The following KHDRBS3 variants were observed in gnomAD, a reference collection of about 807,000 sequenced individuals.
KHDRBS3 encodes the protein KH domain-containing, RNA-binding, signal transduction-associated protein 3.
Under a neutral mutation model 45.6 loss-of-function variants are expected in KHDRBS3, and 23 were observed. The observed-to-expected ratio is 0.50, with a 90% CI of 0.36 to 0.72. The LOEUF (loss-of-function observed/expected upper bound fraction) is 0.72. Ranked by LOEUF, KHDRBS3 falls within the 30% of genes least tolerant of loss-of-function variation. KHDRBS3 has a pLI of 0.00. For synonymous variants in KHDRBS3, 162 were observed against 156.5 expected (o/e 1.04, Z -0.26); for missense variants, 352 against 424.8 (o/e 0.83, Z 1.51).
chr8:135,648,593 A>T (rs974642099), downstream of KHDRBS3: 25 of 152,304 alleles, frequency 1.6e-4, no homozygotes, highest in African/African-American at 5.8e-4. Context: ...CCTGAAGCAA[A>T]CAAAGGTAAG....
At chr8:135,638,572 A>G (rs1830916017) in intron 7 of KHDRBS3, among the ~76,000 whole-genome samples, 1 of 152,250 alleles carries the variant, frequency 6.6e-6, no homozygotes, top group African/African-American at 2.4e-5. Flanking sequence ...AATGATTATA[A>G]AATAAGTGAC....
chr8:135,639,208 C>T (rs1283478684), intron 7 of KHDRBS3, among the ~76,000 whole-genome samples: 10 of 151,890 alleles, frequency 6.6e-5, no homozygotes, highest in East Asian at 3.9e-4. Context: ...GTGGTGATTG[C>T]GATGAAGTTG....
At chr8:135,643,125 A>G (rs890616573) in intron 7 of KHDRBS3, among the ~76,000 whole-genome samples, 1 of 152,042 alleles carries the variant, frequency 6.6e-6, no homozygotes, top group Non-Finnish European at 1.5e-5. Context: ...TACTTACTAT[A>G]TTTGATTGAA....
At chr8:135,469,672 G>C (rs1340183045) in intron 1 of KHDRBS3, among the ~76,000 whole-genome samples, 3 of 152,154 alleles carry the variant, frequency 2.0e-5, no homozygotes, top group Non-Finnish European at 4.4e-5. Context: ...GGGATTACAG[G>C]CATGTGCCAC....
At chr8:135,592,488 T>A (rs754241716) in intron 6 of KHDRBS3, among the ~76,000 whole-genome samples, 24 of 152,190 alleles carry the variant, frequency 1.6e-4, no homozygotes, top group Non-Finnish European at 2.6e-4. Flanking sequence ...ACCACTGGAT[T>A]ATTCCTTTGT....
chr8:135,607,125 T>C, intron 7 of KHDRBS3, 88 bp downstream of exon 7: 4 of 991,968 alleles, frequency 4.0e-6, no homozygotes, highest in Middle Eastern at 4.2e-4. Context: ...GGCAGTCAGC[T>C]AGAGAGGGTA....
chr8:135,483,425 C>T (rs1376600270), intron 1 of KHDRBS3, among the ~76,000 whole-genome samples: 1 of 152,098 alleles, frequency 6.6e-6, no homozygotes, highest in African/African-American at 2.4e-5. Context: ...CTGTCATTGC[C>T]GTCAGATTGG....
intron 5 of KHDRBS3, among the ~76,000 whole-genome samples, chr8:135,561,012 TGTTTATATTC>T (rs1827141638): frequency 6.6e-6 from 1 of 152,190 alleles, no homozygotes; most frequent in African/African-American, 2.4e-5. Context: ...TACAGTACAA[TGTTTATATTC>T]ATACGGCAGG....
chr8:135,479,136 A>G (rs1458391692), intron 1 of KHDRBS3, among the ~76,000 whole-genome samples: 1 of 152,216 alleles, frequency 6.6e-6, no homozygotes, highest in Non-Finnish European at 1.5e-5. Context: ...AAAACAGAGG[A>G]CATTCCTTCT....
chr8:135,637,494 G>A (rs749239137), intron 7 of KHDRBS3, among the ~76,000 whole-genome samples: 2 of 152,112 alleles, frequency 1.3e-5, no homozygotes, highest in Non-Finnish European at 2.9e-5. Flanking sequence ...TTACAGATAA[G>A]ATTTTCCTTA....
At chr8:135,507,613 T>C (rs943038041) in intron 1 of KHDRBS3, among the ~76,000 whole-genome samples, 42 of 152,202 alleles carry the variant, frequency 2.8e-4, no homozygotes, top group Admixed American at 8.5e-4. Context: ...TGCATTTAAC[T>C]TGACAACCTC....
At chr8:135,611,361 G>A (rs1829697814) in intron 7 of KHDRBS3, among the ~76,000 whole-genome samples, 1 of 151,960 alleles carries the variant, frequency 6.6e-6, no homozygotes, top group African/African-American at 2.4e-5. Flanking sequence ...TTGAACTGAG[G>A]TCTGACTGTA....
chr8:135,458,809 C>T (rs929824701), intron 1 of KHDRBS3: 4 of 453,470 alleles, frequency 8.8e-6, no homozygotes, highest in African/African-American at 2.0e-5. Flanking sequence ...GGAAGTACTG[C>T]GGGTCAGGGA....
chr8:135,539,363 G>T (rs1054712884), intron 2 of KHDRBS3: 2 of 152,226 alleles, frequency 1.3e-5, no homozygotes, highest in Admixed American at 1.3e-4. Flanking sequence ...AGAATCTCTT[G>T]ATTTCCAGTC....
At position 135,575,097 on chromosome 8, in the gene KHDRBS3, T is replaced by C. The variant is rs555278212; in HGVS notation, c.612-6781T>C. Among the ~76,000 whole-genome samples the C allele has an allele frequency of 1.6e-3, 244 of 152,346 alleles. 1 individual carries two copies. The highest frequency in any genetic ancestry group is 2.9e-3 in the Non-Finnish European group (196 of 68,032). On this transcript the variant is annotated intron_variant, in intron 5 of 8. Transcript: ENST00000355849. ...ACTATTTTTACTGTACCAATTGTTATGGTCTAGGATTTTAAAGAAAAAGCC... is the reference window on the plus strand; with the variant it reads ...ACTATTTTTACTGTACCAATTGTTACGGTCTAGGATTTTAAAGAAAAAGCC...
chr8:135,627,161 A>G (rs539213665), intron 7 of KHDRBS3, among the ~76,000 whole-genome samples: 1 of 152,320 alleles, frequency 6.6e-6, no homozygotes, highest in South Asian at 2.1e-4. Context: ...TCATGCAAGG[A>G]TGTAATCAGC....
intron 1 of KHDRBS3, among the ~76,000 whole-genome samples, chr8:135,487,096 A>T (rs1822901157): frequency 6.6e-6 from 1 of 152,034 alleles, no homozygotes; most frequent in Non-Finnish European, 1.5e-5. Flanking sequence ...AATGTCATAT[A>T]TTCATTGTCT....
intron 5 of KHDRBS3, among the ~76,000 whole-genome samples, chr8:135,574,669 T>G (rs1827870627): frequency 6.6e-6 from 1 of 152,200 alleles, no homozygotes; most frequent in African/African-American, 2.4e-5. Flanking sequence ...ATACACTAAC[T>G]AATGAAAATG....
intron 7 of KHDRBS3, among the ~76,000 whole-genome samples, chr8:135,618,002 G>A (rs1032503788): frequency 3.9e-5 from 6 of 152,154 alleles, no homozygotes; most frequent in African/African-American, 1.4e-4. Flanking sequence ...GAATTCCCCA[G>A]AATCGATTCA....
Sources: gnomAD v4.1 joint callset for allele counts (sites outside exome capture counted in the v4.1 genomes callset) on GRCh38, gnomAD v4.1.1 for gene constraint, MANE v1.5 for transcripts, NCBI Gene and HGNC (gene_info 2026-07-23, HGNC 2026-07-21) for gene names.